The following FBXO42 variants were observed in gnomAD, a reference collection of about 807,000 sequenced individuals.
FBXO42 encodes F-box only protein 42.
FBXO42 carries 12 observed loss-of-function variants against 71.7 expected under a neutral mutation model. The observed-to-expected ratio is 0.17, with a 90% CI of 0.11 to 0.27. The LOEUF is 0.27. Ranked by LOEUF, FBXO42 falls within the 10% of genes least tolerant of loss-of-function variation. The pLI is 1.00. For synonymous variants in FBXO42, 325 were observed against 327.5 expected, an observed-to-expected ratio of 0.99 and a Z score of 0.08; for missense variants, 707 against 911.9, an observed-to-expected ratio of 0.78 and a Z score of 2.89.
chr1:16,250,943 C>T lies in FBXO42; in HGVS notation c.1881G>A (p.Gln627=). The change falls in exon 10 of 10, where the codon CAG becomes CAA. Residue 627 remains glutamine (Q), a synonymous_variant. Transcript: ENST00000375592. This position sits in a 1 kb window ranked among gnomAD's most constrained non-coding sequence, Gnocchi z 4.7. ...IARRLGHHPP[Q]SLNVGKPLYQ... is the part of the protein sequence containing the mutation. ...ATAGGGGTTTGCCAACATTTAGGGA[C>T]TGTGGAGGGTGGTGGCCCAGGCGGC... 6.2e-7 allele frequency: 1 copy of T among 1,614,158 alleles called. No individual in the cohort carries two copies. The highest frequency in any genetic ancestry group is 8.5e-7 in the Non-Finnish European group (1 of 1,180,030).
chr1:16,317,412 CAACA>C (rs34170464), intron 1 of FBXO42, among the ~76,000 whole-genome samples: 5 of 150,614 alleles, frequency 3.3e-5, no homozygotes, highest in Non-Finnish European at 5.9e-5. Context: ...GAGATCGTCT[CAACA>C]AACAAACAAA....
At position 16,248,364 on chromosome 1, in the gene FBXO42, G is replaced by A. The variant is rs1223015375; in HGVS notation, c.*2306C>T. 1.3e-5 allele frequency: 2 copies of A among 152,180 alleles called. No individual in the cohort carries two copies. The highest frequency in any genetic ancestry group is 2.9e-5 in the Non-Finnish European group (2 of 68,038). 9.4% of individuals were successfully genotyped at this position (152,180 alleles called of 1,614,324 possible). On this transcript the variant is annotated 3_prime_UTR_variant, in exon 10 of 10. Transcript: ENST00000375592. ...CAAACAGTCTGGTTCCAGGCAGTAT[G>A]CGTCAAACTGGAATTCAATGGAGTT... is the stretch of plus-strand genomic sequence containing the variant.
rs2081580897 is a variant in FBXO42 at position 16,250,554 on chromosome 1, T to G, written c.*116A>C. On this transcript the variant is annotated 3_prime_UTR_variant, in exon 10 of 10. Transcript: ENST00000375592. This position sits in a 1 kb window ranked among gnomAD's most constrained non-coding sequence, Gnocchi z 4.7. The stretch of plus-strand genomic sequence containing the variant: ...AGCCTGGAGTGACTTCGGTTGGGAA[T>G]TAAAGAGTTTTGGCTTCTGGGAGTA... The G allele has an allele frequency of 2.5e-6, 3 of 1,216,570 alleles. No homozygotes were observed. Among genetic ancestry groups the G allele is most frequent in the Non-Finnish European group, 3.4e-6 (3 of 881,958 alleles). The allele number at this position is 1,216,570 out of a possible 1,614,324, so 75.4% of individuals were successfully genotyped here.
At chr1:16,256,165 G>A (rs1031636225) in intron 5 of FBXO42, among the ~76,000 whole-genome samples, 17 of 152,264 alleles carry the variant, frequency 1.1e-4, no homozygotes, top group South Asian at 8.3e-4. Flanking sequence ...CAAGCGCCAC[G>A]TACTAAGTCT....
At position 16,250,232 on chromosome 1, in the gene FBXO42, C is replaced by T. The variant is rs1215444932; in HGVS notation, c.*438G>A. 1.3e-5 allele frequency: 2 copies of T among 152,468 alleles called. No homozygotes were observed. The highest frequency in any genetic ancestry group is 4.8e-5 in the African/African-American group (2 of 41,444). The allele number at this position is 152,468 out of a possible 1,614,324, so 9.4% of individuals were successfully genotyped here. ...CTGAAGCATGAGAGTCTAAAACCCTCCACCTTTGCAACTTACATATGCCCT... is the reference window on the plus strand; with the variant it reads ...CTGAAGCATGAGAGTCTAAAACCCTTCACCTTTGCAACTTACATATGCCCT... On this transcript the variant is annotated 3_prime_UTR_variant, in exon 10 of 10. Transcript: ENST00000375592. The surrounding 1 kb of genome is among the most constrained non-coding windows in gnomAD (Gnocchi z 4.7).
intron 2 of FBXO42, among the ~76,000 whole-genome samples, chr1:16,308,425 G>C (rs1302705356): frequency 6.6e-6 from 1 of 151,914 alleles, no homozygotes; most frequent in Non-Finnish European, 1.5e-5. Flanking sequence ...CGAGGCTGTA[G>C]TGCACAATGA....
At chr1:16,254,290 C>T (rs1384163929) in intron 6 of FBXO42, among the ~76,000 whole-genome samples, 1 of 152,198 alleles carries the variant, frequency 6.6e-6, no homozygotes, top group East Asian at 1.9e-4. Context: ...GAAATAGACA[C>T]TGGTTAAGCT....
chr1:16,259,734 C>A (rs980829060), intron 4 of FBXO42, among the ~76,000 whole-genome samples: 1 of 144,828 alleles, frequency 6.9e-6, no homozygotes, highest in African/African-American at 2.6e-5. Flanking sequence ...CCACTGCACT[C>A]TGGCCTGAGT....
chr1:16,279,007 C>A (rs2081933173), intron 4 of FBXO42, among the ~76,000 whole-genome samples: 1 of 152,130 alleles, frequency 6.6e-6, no homozygotes, highest in African/African-American at 2.4e-5. Context: ...AACTCCCGAC[C>A]TCAGGTGATC....
chr1:16,262,883 G>C (rs149345806), intron 4 of FBXO42, among the ~76,000 whole-genome samples: 43 of 151,916 alleles, frequency 2.8e-4, no homozygotes, highest in African/African-American at 8.0e-4. Context: ...CTAGTTTTTT[G>C]TAATTTTAGT....
intron 4 of FBXO42, among the ~76,000 whole-genome samples, chr1:16,269,707 T>G (rs892395346): frequency 6.6e-6 from 1 of 151,650 alleles, no homozygotes; most frequent in South Asian, 2.1e-4. Context: ...GTATTTTTAG[T>G]GGAGACGGGG....
Position 16,285,003 on chromosome 1 carries a change from G to A in FBXO42, c.502+9780C>T, listed in dbSNP as rs115764702. Among the ~76,000 whole-genome samples the A allele has an allele frequency of 7.4e-3, 933 of 125,598 alleles. 11 individuals are homozygous for A. The highest frequency in any genetic ancestry group is 0.027 in the African/African-American group (882 of 32,828). The allele number at this position is 125,598 out of a possible 152,430, so 82.4% of individuals were successfully genotyped here. ...AAACAAAACAAAAATAAAGTTAGCC[G>A]GGCGTGGTGGCACGTGCCTGTAATC... On this transcript the variant is annotated intron_variant, in intron 4 of 9. Coordinates refer to ENST00000375592, the MANE Select transcript of FBXO42 (RefSeq NM_018994.3).
chr1:16,301,099 A>T (rs2082188813), intron 3 of FBXO42, among the ~76,000 whole-genome samples: 1 of 151,740 alleles, frequency 6.6e-6, no homozygotes, highest in African/African-American at 2.4e-5. Context: ...GGGTTTCACG[A>T]TGTTGGCCAG....
intron 4 of FBXO42, among the ~76,000 whole-genome samples, chr1:16,278,287 C>T (rs1016476348): frequency 2.0e-5 from 3 of 151,064 alleles, no homozygotes; most frequent in East Asian, 2.0e-4. Flanking sequence ...ACCCGGGAGG[C>T]GGAGGTTGCA....
Position 16,253,676 on chromosome 1 carries a change from T to C in FBXO42, c.823A>G (p.Ile275Val). Residue 275 changes from isoleucine to valine, a missense_variant, in exon 7 of 10, where the codon ATC becomes GTC. Transcript: ENST00000375592. ...CGAGGATGAGGACTGGGGCCAGAGATGTTCGGCTTGGACCACGCCCACTGC... is the reference window on the plus strand; with the variant it reads ...CGAGGATGAGGACTGGGGCCAGAGACGTTCGGCTTGGACCACGCCCACTGC... The part of the protein sequence containing the change: ...LEQWAWSKPN[I>V]SGPSPHPRGG... 6.2e-7 allele frequency: 1 copy of C among 1,614,224 alleles called. No homozygotes were observed. The highest frequency in any genetic ancestry group is 2.2e-5 in the East Asian group (1 of 44,892).
At chr1:16,281,465 T>A (rs1427361683) in intron 4 of FBXO42, among the ~76,000 whole-genome samples, 1 of 147,254 alleles carries the variant, frequency 6.8e-6, no homozygotes, top group East Asian at 1.9e-4. Context: ...TTTCTTTTTC[T>A]TTTTTTGTTT....
At chr1:16,330,973 T>A (rs1425303358) in intron 1 of FBXO42, among the ~76,000 whole-genome samples, 2 of 151,616 alleles carry the variant, frequency 1.3e-5, no homozygotes, top group Non-Finnish European at 1.5e-5. Context: ...ATACAAAAAT[T>A]AGCTGGGCAT....
At chr1:16,298,225 C>CA (rs1232885165) in intron 3 of FBXO42, among the ~76,000 whole-genome samples, 2 of 152,140 alleles carry the variant, frequency 1.3e-5, no homozygotes, top group South Asian at 2.1e-4. Context: ...GACTCTGTCT[C>CA]AAAAAACAAA....
intron 4 of FBXO42, among the ~76,000 whole-genome samples, chr1:16,288,848 C>T (rs1210657286): frequency 6.6e-6 from 1 of 151,824 alleles, no homozygotes; most frequent in Non-Finnish European, 1.5e-5. Context: ...ATCCCAGCTG[C>T]CTGGGAGGCT....
Sources: allele counts gnomAD v4.1 joint callset (sites outside exome capture counted in the v4.1 genomes callset), GRCh38; gene constraint gnomAD v4.1.1; non-coding constraint Gnocchi (gnomAD v3.1); transcripts MANE v1.5; gene names NCBI Gene and HGNC (gene_info 2026-07-23, HGNC 2026-07-21).